The following ADAM17 variants were observed in gnomAD, a reference collection of about 807,000 sequenced individuals.
ADAM17 encodes ADAM metallopeptidase domain 17.
Under a neutral mutation model 96.7 loss-of-function variants are expected in ADAM17, and 39 were observed. The ratio of observed to expected loss-of-function variants is 0.40; its 90% CI spans 0.31 to 0.53. The LOEUF is 0.53. Ranked by LOEUF, ADAM17 falls within the 20% of genes least tolerant of loss-of-function variation. ADAM17 has a pLI of 0.44. For missense variants in ADAM17, 777 were observed against 1,013.2 expected, an observed-to-expected ratio of 0.77 and a Z score of 3.17; for synonymous variants, 344 against 359.2, an observed-to-expected ratio of 0.96 and a Z score of 0.48.
Position 9,490,318 on chromosome 2 carries a change from C to T in ADAM17, c.2334G>A (p.Glu778=). The T allele has an allele frequency of 6.2e-7, 1 of 1,614,132 alleles. No homozygotes were observed. Among genetic ancestry groups the T allele is most frequent in the Non-Finnish European group, 8.5e-7 (1 of 1,180,044 alleles). The part of the protein sequence containing the change: ...TDSHMDEDGF[E]KDPFPNSSTA... ...TGCTGCTATTTGGGAAGGGGTCCTTCTCAAACCCATCCTCGTCCATATGTG... is the reference window on the plus strand; with the variant it reads ...TGCTGCTATTTGGGAAGGGGTCCTTTTCAAACCCATCCTCGTCCATATGTG... Residue 778 remains glutamate, a synonymous_variant, in exon 19 of 19, where the codon GAG becomes GAA. Coordinates refer to ENST00000310823, the MANE Select transcript of ADAM17 (RefSeq NM_003183.6).
At chr2:9,528,035 G>C (rs2125027647) in intron 4 of ADAM17, 81 bp from the exon 5 acceptor site, 1 of 973,512 alleles carries the variant, frequency 1.0e-6, no homozygotes, top group Non-Finnish European at 1.4e-6. Context: ...TTCTTTGCTT[G>C]TTCTTAGATA....
chr2:9,550,091 A>T (rs760893501), intron 1 of ADAM17, among the ~76,000 whole-genome samples: 3 of 152,140 alleles, frequency 2.0e-5, no homozygotes, highest in Non-Finnish European at 4.4e-5. Context: ...GCACCCCCCA[A>T]AACACACAGG....
At position 9,555,536 on chromosome 2, in the gene ADAM17, G is replaced by C. The variant is rs748048199; in HGVS notation, c.70C>G (p.Pro24Ala). ...FVLAPRPPDD[P>A]GFGPHQRLEK... ...AGTCTCTGGTGGGGGCCGAAGCCCG[G>C]GTCATCCGGAGGTCGCGGCGCCAGC... The change falls in exon 1 of 19, where the codon CCG (proline) becomes GCG (alanine). Residue 24 changes from proline (P) to alanine (A), a missense_variant. Transcript: ENST00000310823. 35 of 1,602,700 alleles carry C rather than the reference G, an allele frequency of 2.2e-5. No individual in the cohort carries two copies. In the Admixed American group the frequency reaches 2.9e-4, roughly 13 times the overall value.
At chr2:9,543,416 A>G in intron 1 of ADAM17, 131 bp from the exon 2 acceptor site, 1 of 795,188 alleles carries the variant, frequency 1.3e-6, no homozygotes, top group Non-Finnish European at 1.7e-6. Flanking sequence ...CAAACTATAA[A>G]TCATTTTTTA....
chr2:9,542,340 G>A (rs1366522770), intron 2 of ADAM17, among the ~76,000 whole-genome samples: 3 of 152,138 alleles, frequency 2.0e-5, no homozygotes, highest in Non-Finnish European at 4.4e-5. Context: ...AGAAGTTCAA[G>A]ATCAGCCTTG....
intron 11 of ADAM17, among the ~76,000 whole-genome samples, chr2:9,508,410 G>A (rs1162525936): frequency 6.6e-6 from 1 of 151,984 alleles, no homozygotes; most frequent in Non-Finnish European, 1.5e-5. Context: ...TTGTTTGTTG[G>A]CTTATTAACA....
intron 4 of ADAM17, among the ~76,000 whole-genome samples, chr2:9,531,310 G>A (rs1664728333): frequency 6.6e-6 from 1 of 150,970 alleles, no homozygotes; most frequent in Admixed American, 6.6e-5. Context: ...GCTCACGTCT[G>A]TCATCCCAGC....
chr2:9,538,137 A>G (rs1448496911), intron 2 of ADAM17, among the ~76,000 whole-genome samples: 2 of 152,166 alleles, frequency 1.3e-5, no homozygotes, highest in Non-Finnish European at 2.9e-5. Flanking sequence ...CCATCCTTAC[A>G]TGAAAACTAG....
At chr2:9,506,481 C>G (rs1663404250) in intron 11 of ADAM17, among the ~76,000 whole-genome samples, 1 of 150,926 alleles carries the variant, frequency 6.6e-6, no homozygotes. Flanking sequence ...ATTCTTCTGC[C>G]TCAGCCTCCT....
At chr2:9,543,341 T>A in intron 1 of ADAM17, 56 bp from the exon 2 acceptor site, 1 of 1,410,470 alleles carries the variant, frequency 7.1e-7, no homozygotes. Flanking sequence ...AATTGTAGTA[T>A]CGTTAAAATG....
intron 2 of ADAM17, among the ~76,000 whole-genome samples, chr2:9,540,471 C>T (rs1381941048): frequency 6.6e-6 from 1 of 151,548 alleles, no homozygotes; most frequent in Non-Finnish European, 1.5e-5. Flanking sequence ...AAAATAAGTA[C>T]CTGATTAACT....
chr2:9,532,553 T>C (rs1232873721), intron 4 of ADAM17, among the ~76,000 whole-genome samples: 3 of 151,930 alleles, frequency 2.0e-5, no homozygotes, highest in Admixed American at 2.0e-4. Flanking sequence ...CTCACTGCAG[T>C]CTCCGCCTTC....
At chr2:9,520,170 G>A (rs1337304038) in intron 8 of ADAM17, among the ~76,000 whole-genome samples, 2 of 152,218 alleles carry the variant, frequency 1.3e-5, no homozygotes, top group African/African-American at 4.8e-5. Context: ...CAAACTATGG[G>A]ATAAATAAGT....
intron 11 of ADAM17, 115 bp downstream of exon 11, chr2:9,509,864 G>C: frequency 7.5e-7 from 1 of 1,327,678 alleles, no homozygotes; most frequent in Non-Finnish European, 1.0e-6. Context: ...TTTGTAATTT[G>C]CACATCCATC....
In ADAM17 at chr2:9,490,391, A is replaced by G; in HGVS notation, c.2261T>C (p.Leu754Pro). 6.2e-7 allele frequency: 1 copy of G among 1,614,056 alleles called. No individual in the cohort carries two copies. The highest frequency in any genetic ancestry group is 8.5e-7 in the Non-Finnish European group (1 of 1,180,012). Residue 754 changes from leucine (L) to proline (P), a missense_variant, in exon 19 of 19, where the codon CTG (leucine) becomes CCG (proline). Physicochemically the swap from Leu to Pro is moderately conservative, Grantham distance 98. Coordinates refer to ENST00000310823, the MANE Select transcript of ADAM17 (RefSeq NM_003183.6). ...GATGGTGTCCATTCTCTGGTGGTCC[A>G]GTTTTGGAGCTGCTGGCGCCGAAGG... ...VIPSAPAAPKLDHQRMDTIQE... is the reference protein window; with the variant it reads ...VIPSAPAAPKPDHQRMDTIQE...
rs751060367 is a variant in ADAM17 at position 9,543,225 on chromosome 2, T to C, written c.158A>G (p.His53Arg). ...CTGTAGATCTCTTTTTCTTACCGAA[T>C]GCTGCTGGATATTAGATAAAGAGAG... is the stretch of plus-strand genomic sequence containing the variant. ...DILSLSNIQQ[H>R]SVRKRDLQTS... Residue 53 changes from histidine (H) to arginine (R), a missense_variant, in exon 2 of 19, where the codon CAT becomes CGT. By Grantham distance (29) the His-to-Arg change is conservative. This residue lies in a region of ADAM17 where 134 missense variants were observed against 129.1 expected (regional missense o/e 1.04). Transcript: ENST00000310823. 5.0e-6 allele frequency: 8 copies of C among 1,609,946 alleles called. 1 individual carries two copies. The African/African-American group carries it at 1.1e-4, about 22-fold the overall frequency.
At position 9,550,968 on chromosome 2, in the gene ADAM17, G is replaced by A. The variant is rs147838916; in HGVS notation, c.97+4541C>T. ...GGGACACCTGTAATCCCAGCTATTC[G>A]TGAGGCTGAGGCACGAGAATCACTT... On this transcript the variant is annotated intron_variant, in intron 1 of 18. Coordinates refer to ENST00000310823, the MANE Select transcript of ADAM17 (RefSeq NM_003183.6). Among the ~76,000 whole-genome samples the A allele has an allele frequency of 3.4e-3, 516 of 151,084 alleles. 3 individuals are homozygous for A. The highest frequency in any genetic ancestry group is 0.012 in the African/African-American group (487 of 41,186).
intron 1 of ADAM17, among the ~76,000 whole-genome samples, chr2:9,549,231 C>T (rs62119380): frequency 7.9e-5 from 12 of 151,924 alleles, no homozygotes; most frequent in Admixed American, 3.9e-4. Flanking sequence ...ATTAGCCAGG[C>T]GCGGTGGCAG....
chr2:9,492,205 T>C (rs918689280), intron 17 of ADAM17, among the ~76,000 whole-genome samples: 6 of 152,232 alleles, frequency 3.9e-5, no homozygotes, highest in African/African-American at 1.4e-4. Flanking sequence ...AAAACAAGTC[T>C]GGAAGCCTGG....
Sources: gnomAD v4.1 joint callset for allele counts (sites outside exome capture counted in the v4.1 genomes callset) on GRCh38, gnomAD v4.1.1 for gene constraint, gnomAD v4.1.1 regional missense constraint, MANE v1.5 for transcripts, NCBI Gene and HGNC (gene_info 2026-07-23, HGNC 2026-07-21) for gene names.